The following NAV3 variants were observed in gnomAD, a reference collection of about 807,000 sequenced individuals.
The protein encoded by NAV3 is neuron navigator 3.
In NAV3, 87 loss-of-function variants were observed where a neutral mutation model predicts 244.7. That is an observed-to-expected ratio of 0.36 (90% CI 0.30 to 0.42). The LOEUF (loss-of-function observed/expected upper bound fraction) is 0.42, where lower values mean the gene tolerates loss of function less well. Ranked by LOEUF, NAV3 falls within the 20% of genes least tolerant of loss-of-function variation. NAV3 has a pLI of 1.00. For missense variants in NAV3, 2,663 were observed against 2,893.3 expected, an observed-to-expected ratio of 0.92 and a Z score of 1.83; for synonymous variants, 1,126 against 1,042.2, an observed-to-expected ratio of 1.08 and a Z score of -1.55.
intron 3 of NAV3, among the ~76,000 whole-genome samples, chr12:77,963,493 G>T (rs1271240587): frequency 6.6e-6 from 1 of 152,142 alleles, no homozygotes; most frequent in East Asian, 1.9e-4. Flanking sequence ...TGGGGAAAAG[G>T]TATTATTTTC....
intron 3 of NAV3, among the ~76,000 whole-genome samples, chr12:77,947,050 A>G (rs924321543): frequency 1.2e-4 from 19 of 152,066 alleles, no homozygotes; most frequent in Non-Finnish European, 2.9e-5. Context: ...TCCAGCCACA[A>G]CCTTCAACCT....
Position 78,128,791 on chromosome 12 carries a change from G to A in NAV3, c.4366G>A (p.Gly1456Ser), listed in dbSNP as rs2138852877. Reference sequence around the variant, plus strand: ...TTCTACTGGAGGGCTTCAGGACACTGGCAACCAGTCACCTCTGGTTTCCCC... The same window carrying A: ...TTCTACTGGAGGGCTTCAGGACACTAGCAACCAGTCACCTCTGGTTTCCCC... ...SHSTGGLQDT[G>S]NQSPLVSPSA... The change falls in exon 18 of 40, where the codon GGC becomes AGC. Residue 1456 changes from glycine (G) to serine (S), a missense_variant. Gly to Ser is a moderately conservative substitution (Grantham distance 56, BLOSUM62 0). This residue lies in a region of NAV3 where 354 missense variants were observed against 413.0 expected (regional missense o/e 0.86). Transcript: ENST00000397909. 2 of 1,614,032 alleles carry A rather than the reference G, an allele frequency of 1.2e-6. No individual in the cohort carries two copies. Among genetic ancestry groups the A allele is most frequent in the Non-Finnish European group, 1.7e-6 (2 of 1,179,976 alleles).
intron 3 of NAV3, among the ~76,000 whole-genome samples, chr12:77,959,377 C>T (rs2137799325): frequency 6.6e-6 from 1 of 152,058 alleles, no homozygotes; most frequent in African/African-American, 2.4e-5. Flanking sequence ...AGATAATTCT[C>T]AGGAAACTCT....
At chr12:77,883,387 T>C (rs1413774601) in intron 1 of NAV3, among the ~76,000 whole-genome samples, 2 of 151,964 alleles carry the variant, frequency 1.3e-5, no homozygotes, top group Non-Finnish European at 2.9e-5. Flanking sequence ...GAGCTAAACG[T>C]TGAGCACACA....
chr12:78,089,872 C>T (rs1040494196), intron 12 of NAV3, among the ~76,000 whole-genome samples: 2 of 152,152 alleles, frequency 1.3e-5, no homozygotes, highest in African/African-American at 2.4e-5. Flanking sequence ...AAACCTTGAT[C>T]TCCAGATGGG....
rs370432786 is a variant in NAV3, at chr12:78,205,029, C to G, written c.6929C>G (p.Ala2310Gly). 19 of 1,613,580 alleles carry G rather than the reference C, an allele frequency of 1.2e-5. No individual in the cohort carries two copies. The highest frequency in any genetic ancestry group is 3.3e-5 in the South Asian group (3 of 91,066). ...SSATLPQESP[A>G]LLQLRPEDVG... Reference sequence around the variant, plus strand: ...GCAACTCTGCCTCAGGAGAGCCCAGCCTTACTTCAGCTGCGACCAGAAGAT... The same window carrying G: ...GCAACTCTGCCTCAGGAGAGCCCAGGCTTACTTCAGCTGCGACCAGAAGAT... The change falls in exon 39 of 40, where the codon GCC (alanine) becomes GGC (glycine). Residue 2310 changes from alanine to glycine, a missense_variant. Transcript: ENST00000397909.
chr12:77,960,817 C>T (rs970300507), intron 3 of NAV3, among the ~76,000 whole-genome samples: 8 of 146,186 alleles, frequency 5.5e-5, no homozygotes, highest in Non-Finnish European at 9.0e-5. Context: ...AATAAAAATG[C>T]ATACATGTAT....
chr12:78,059,721 A>G (rs1884052094), intron 12 of NAV3, among the ~76,000 whole-genome samples: 1 of 152,166 alleles, frequency 6.6e-6, no homozygotes. Context: ...GTTAATATCT[A>G]TAAAAGCAGA....
chr12:78,006,388 T>C (rs2136551972), intron 7 of NAV3, 31 bp from the exon 8 acceptor site: 1 of 1,586,446 alleles, frequency 6.3e-7, no homozygotes, highest in Non-Finnish European at 8.6e-7. Flanking sequence ...TTAATCGCCT[T>C]TTCTTTATTT....
intron 18 of NAV3, chr12:78,130,490 C>T (rs972062733): frequency 3.3e-5 from 7 of 210,440 alleles, no homozygotes; most frequent in Non-Finnish European, 7.4e-5. Flanking sequence ...GAAGCCTTGG[C>T]TTTCCAGGCT....
chr12:77,693,945 A>T (rs1875162211), intron 2 of NAV3, among the ~76,000 whole-genome samples: 1 of 152,106 alleles, frequency 6.6e-6, no homozygotes, highest in South Asian at 2.1e-4. Context: ...ATATAAAATA[A>T]ATACTTATGA....
chr12:77,714,519 A>G lies in NAV3; in HGVS notation c.72+142253A>G, dbSNP rs374202226. On this transcript the variant is annotated intron_variant, in intron 2 of 8. Transcript: ENST00000550042. ...ACAGCCTTGCTCGAGGTTTGGTTTC[A>G]TTCTTGTCTTACTCCGCCAGTAATT... is the stretch of plus-strand genomic sequence containing the variant. Among the ~76,000 whole-genome samples, 15 of 152,234 alleles carry G rather than the reference A, an allele frequency of 9.9e-5. No individual in the cohort carries two copies. In the South Asian group the frequency reaches 2.3e-3, roughly 23 times the overall value.
chr12:78,057,221 T>C (rs576926596), intron 11 of NAV3, among the ~76,000 whole-genome samples: 1 of 152,326 alleles, frequency 6.6e-6, no homozygotes, highest in South Asian at 2.1e-4. Context: ...TATCTTCAGG[T>C]GTCACAGTAA....
At chr12:78,136,554 A>G (rs1476438776) in intron 18 of NAV3, among the ~76,000 whole-genome samples, 1 of 152,206 alleles carries the variant, frequency 6.6e-6, no homozygotes, top group Non-Finnish European at 1.5e-5. Flanking sequence ...TAAACAGAGT[A>G]GAAAATCATT....
intron 9 of NAV3, among the ~76,000 whole-genome samples, chr12:78,033,238 C>CT (rs57030481): frequency 3.0e-4 from 44 of 148,640 alleles, no homozygotes; most frequent in African/African-American, 5.2e-4. Context: ...TGAAATTGCC[C>CT]TTTTTTTTTT....
At chr12:78,121,519 T>TA (rs74206814) in intron 15 of NAV3, among the ~76,000 whole-genome samples, 8,075 of 149,102 alleles carry the variant, frequency 0.054, 257 homozygotes, top group Non-Finnish European at 0.073. Flanking sequence ...AATTTAAAAA[T>TA]AAAAAAAAAA....
intron 2 of NAV3, among the ~76,000 whole-genome samples, chr12:77,658,721 A>G (rs1873261259): frequency 6.6e-6 from 1 of 152,066 alleles, no homozygotes; most frequent in Non-Finnish European, 1.5e-5. Flanking sequence ...CTACAAGGCT[A>G]CAGTAACCAA....
chr12:78,116,766 CT>C lies in NAV3; in HGVS notation c.2637-3del. 1 of 1,581,684 alleles carries C rather than the reference CT, an allele frequency of 6.3e-7. No homozygotes were observed. Among genetic ancestry groups the C allele is most frequent in the Non-Finnish European group, 8.6e-7 (1 of 1,159,376 alleles). On this transcript the variant is annotated splice_polypyrimidine_tract_variant and splice_region_variant and intron_variant, in intron 12 of 39. Transcript: ENST00000397909. The stretch of plus-strand genomic sequence containing the variant: ...GATTCACTGCTCTTGCATGTCTTGC[CT>C]TTAGCTGGGATGACAGCAGTTCAGT...
intron 34 of NAV3, among the ~76,000 whole-genome samples, chr12:78,190,765 T>C (rs941242492): frequency 2.6e-5 from 4 of 152,072 alleles, no homozygotes; most frequent in African/African-American, 9.7e-5. Flanking sequence ...AACATTCAAT[T>C]TCACCACCAT....
Sources: gnomAD v4.1 joint callset for allele counts (sites outside exome capture counted in the v4.1 genomes callset) on GRCh38, gnomAD v4.1.1 for gene constraint, gnomAD v4.1.1 regional missense constraint, MANE v1.5 for transcripts, NCBI Gene and HGNC (gene_info 2026-07-23, HGNC 2026-07-21) for gene names.